Variants in LRRC1 observed in about 807,000 individuals in gnomAD.
LRRC1 encodes leucine rich repeat containing 1.
LRRC1 carries 28 observed loss-of-function variants against 69.9 expected under a neutral mutation model. The observed-to-expected ratio is 0.40, with a 90% CI of 0.30 to 0.55. The LOEUF (loss-of-function observed/expected upper bound fraction) is 0.55. Among genes scored for constraint, LRRC1 ranks in the 20% least tolerant of loss-of-function variants. The pLI is 0.47. For missense variants in LRRC1, 498 were observed against 609.0 expected (o/e 0.82, Z 1.92); for synonymous variants, 236 against 240.2 (o/e 0.98, Z 0.16).
intron 2 of LRRC1, among the ~76,000 whole-genome samples, chr6:53,843,619 G>T (rs933230943): frequency 1.3e-5 from 2 of 152,078 alleles, no homozygotes; most frequent in Non-Finnish European, 2.9e-5. Context: ...TTATTTGGTC[G>T]CAGGGAACCC....
At chr6:53,814,379 T>C (rs1036784311) in intron 1 of LRRC1, among the ~76,000 whole-genome samples, 2 of 152,238 alleles carry the variant, frequency 1.3e-5, no homozygotes, top group Admixed American at 1.3e-4. Flanking sequence ...CAAAACACCA[T>C]TGAACCTCTT....
At chr6:53,921,511 T>C (rs1308460114) in intron 13 of LRRC1, among the ~76,000 whole-genome samples, 1 of 152,172 alleles carries the variant, frequency 6.6e-6, no homozygotes, top group East Asian at 1.9e-4. Context: ...ATGATCTTAG[T>C]TGGATTAGTT....
At chr6:53,858,433 C>T (rs1363101550) in intron 2 of LRRC1, among the ~76,000 whole-genome samples, 1 of 152,030 alleles carries the variant, frequency 6.6e-6, no homozygotes, top group Non-Finnish European at 1.5e-5. Flanking sequence ...TTATGATAAC[C>T]CTCTCCCCCT....
At chr6:53,898,559 A>T (rs544182059) in intron 7 of LRRC1, among the ~76,000 whole-genome samples, 3 of 152,376 alleles carry the variant, frequency 2.0e-5, no homozygotes, top group African/African-American at 7.2e-5. Flanking sequence ...ATTATTTAAA[A>T]ATCTCATTTG....
chr6:53,895,773 A>G (rs1462451684), intron 4 of LRRC1, among the ~76,000 whole-genome samples: 2 of 152,196 alleles, frequency 1.3e-5, no homozygotes, highest in Non-Finnish European at 2.9e-5. Flanking sequence ...CTGTGCTCCT[A>G]ATAGACTGGA....
chr6:53,795,714 G>A (rs1458608592), intron 1 of LRRC1, among the ~76,000 whole-genome samples: 1 of 152,194 alleles, frequency 6.6e-6, no homozygotes, highest in Non-Finnish European at 1.5e-5. Context: ...CTGACACCTG[G>A]CACTTGTGCC....
chr6:53,893,892 A>G (rs556004848), intron 4 of LRRC1, among the ~76,000 whole-genome samples: 1 of 152,298 alleles, frequency 6.6e-6, no homozygotes, highest in East Asian at 1.9e-4. Flanking sequence ...GCATTTCAGC[A>G]GTATTTTTGC....
At chr6:53,798,374 A>G (rs1231143093) in intron 1 of LRRC1, among the ~76,000 whole-genome samples, 1 of 152,004 alleles carries the variant, frequency 6.6e-6, no homozygotes, top group African/African-American at 2.4e-5. Context: ...ACCTTTGTTT[A>G]TTTTTTATTT....
intron 1 of LRRC1, among the ~76,000 whole-genome samples, chr6:53,810,982 T>A (rs997636623): frequency 3.3e-5 from 5 of 152,228 alleles, no homozygotes; most frequent in Admixed American, 3.3e-4. Context: ...TGTATCTGTT[T>A]GTTTTCTATC....
At chr6:53,896,089 G>C (rs1293968827) in intron 4 of LRRC1, among the ~76,000 whole-genome samples, 1 of 152,202 alleles carries the variant, frequency 6.6e-6, no homozygotes, top group Non-Finnish European at 1.5e-5. Context: ...TCTGAGCTCT[G>C]CAAGACTAAA....
At chr6:53,804,143 G>A (rs1159136229) in intron 1 of LRRC1, among the ~76,000 whole-genome samples, 1 of 152,182 alleles carries the variant, frequency 6.6e-6, no homozygotes, top group African/African-American at 2.4e-5. Context: ...AGAGTAGTGT[G>A]TGTTGGATGC....
At chr6:53,867,345 G>T (rs1482179967) in intron 2 of LRRC1, among the ~76,000 whole-genome samples, 1 of 152,046 alleles carries the variant, frequency 6.6e-6, no homozygotes, top group African/African-American at 2.4e-5. Flanking sequence ...CCAGGAGAAA[G>T]AAATTGGTCT....
intron 2 of LRRC1, among the ~76,000 whole-genome samples, chr6:53,844,840 G>T (rs1356235215): frequency 6.6e-6 from 1 of 152,180 alleles, no homozygotes; most frequent in African/African-American, 2.4e-5. Flanking sequence ...CATTATGTGT[G>T]TGGTGGATGT....
At chr6:53,888,880 C>A (rs1311840779) in intron 4 of LRRC1, among the ~76,000 whole-genome samples, 6 of 152,120 alleles carry the variant, frequency 3.9e-5, no homozygotes, top group Admixed American at 3.9e-4. Context: ...AAATTTAAAA[C>A]TTGTGTGCAT....
At chr6:53,897,387 C>CA in intron 7 of LRRC1, 28 bp downstream of exon 7, 1 of 1,476,124 alleles carries the variant, frequency 6.8e-7, no homozygotes, top group Non-Finnish European at 9.4e-7. Flanking sequence ...AGTGTCTCCC[C>CA]AAAACATAAA....
intron 1 of LRRC1, among the ~76,000 whole-genome samples, chr6:53,836,437 T>C (rs918749516): frequency 4.6e-5 from 7 of 152,306 alleles, no homozygotes; most frequent in African/African-American, 1.7e-4. Context: ...GCCAAACATA[T>C]AGTGTCCCTC....
intron 10 of LRRC1, among the ~76,000 whole-genome samples, chr6:53,910,725 G>A (rs1768380802): frequency 1.3e-5 from 2 of 152,150 alleles, no homozygotes; most frequent in South Asian, 2.1e-4. Flanking sequence ...GTTACTTTTG[G>A]TTAAAGTAAC....
intron 2 of LRRC1, among the ~76,000 whole-genome samples, chr6:53,861,533 G>C (rs1416296465): frequency 6.6e-6 from 1 of 151,232 alleles, no homozygotes; most frequent in East Asian, 1.9e-4. Context: ...AAGCGGGTCA[G>C]ATGATTCTTT....
At chr6:53,856,534 A>T (rs1002704529) in intron 2 of LRRC1, among the ~76,000 whole-genome samples, 2 of 152,214 alleles carry the variant, frequency 1.3e-5, no homozygotes, top group Non-Finnish European at 2.9e-5. Flanking sequence ...AAATATCTGC[A>T]TTTGTCTCAG....
Sources: allele counts gnomAD v4.1 joint callset (sites outside exome capture counted in the v4.1 genomes callset), GRCh38; gene constraint gnomAD v4.1.1; transcripts MANE v1.5; gene names NCBI Gene and HGNC (gene_info 2026-07-23, HGNC 2026-07-21).